The following ZNF536 variants were observed in gnomAD, a reference collection of about 807,000 sequenced individuals.
ZNF536 encodes the protein zinc finger protein 536.
Under a neutral mutation model 84.5 loss-of-function variants are expected in ZNF536, and 13 were observed. That is an observed-to-expected ratio of 0.15 (90% confidence interval 0.10 to 0.24). The LOEUF (loss-of-function observed/expected upper bound fraction) is 0.24, where lower values mean the gene tolerates loss of function less well. ZNF536 is among the 10% of genes least tolerant of loss of function. The pLI, the probability that ZNF536 is intolerant of heterozygous loss-of-function variation, is 1.00. For missense variants in ZNF536, 1,536 were observed against 1,747.5 expected (o/e 0.88, Z 2.16); for synonymous variants, 811 against 742.5 (o/e 1.09, Z -1.50).
At chr19:30,631,113 G>T (rs954074092) in intron 1 of ZNF536, among the ~76,000 whole-genome samples, 1 of 152,152 alleles carries the variant, frequency 6.6e-6, no homozygotes, top group African/African-American at 2.4e-5. Flanking sequence ...GGGCACTCCC[G>T]ACCGGCTCTC....
rs555886755 is a variant in ZNF536, at chr19:30,533,682, A to G, written c.2171-1165A>G. On this transcript the variant is annotated intron_variant, in intron 2 of 4. Transcript: ENST00000355537. ...GAAGGCACAGATCTTATTTATTGTG[A>G]TCTCTGCAGAACCCGCAGATCTCAT... is the stretch of plus-strand genomic sequence containing the variant. Among the ~76,000 whole-genome samples the G allele has an allele frequency of 2.0e-5, 3 of 152,294 alleles. No homozygotes were observed. In the East Asian group the frequency reaches 5.8e-4, roughly 29 times the overall value.
chr19:30,361,682 C>G (rs2048279303), intron 3 of ZNF536, among the ~76,000 whole-genome samples: 1 of 152,092 alleles, frequency 6.6e-6, no homozygotes, highest in East Asian at 1.9e-4. Flanking sequence ...TGGGATGTGC[C>G]ACTCAGAGTA....
In ZNF536 at chr19:30,428,248, G is replaced by A. The variant is rs191973039; in HGVS notation, c.-2-15313G>A. On this transcript the variant is annotated intron_variant, in intron 1 of 4. Coordinates refer to ENST00000355537, the MANE Select transcript of ZNF536 (RefSeq NM_014717.3). ...GCATCAACATGCAGATGGTGACAGG[G>A]GAAGGAGGAGGAGAGGCAGGAGCAG... Among the ~76,000 whole-genome samples the A allele has an allele frequency of 2.1e-4, 32 of 152,326 alleles. No individual in the cohort carries two copies. In the East Asian group the frequency reaches 2.7e-3, roughly 13 times the overall value.
At chr19:30,586,266 A>G (rs2047091048) in intron 1 of ZNF536, among the ~76,000 whole-genome samples, 1 of 152,230 alleles carries the variant, frequency 6.6e-6, no homozygotes, top group African/African-American at 2.4e-5. Flanking sequence ...TTGATGGACA[A>G]CTAGGTTGCT....
intron 1 of ZNF536, among the ~76,000 whole-genome samples, chr19:30,431,992 C>CATATATATATATATATAT (rs561025363): frequency 2.8e-5 from 4 of 144,606 alleles, no homozygotes; most frequent in African/African-American, 1.0e-4. Context: ...TCATTAAAAG[C>CATATATATATATATATAT]ATATATATAT....
chr19:30,388,413 G>A (rs548901813), intron 1 of ZNF536, among the ~76,000 whole-genome samples: 8 of 152,302 alleles, frequency 5.3e-5, no homozygotes, highest in Admixed American at 2.0e-4. Flanking sequence ...GGGCGACCCC[G>A]CTCCTCCAGC....
intron 1 of ZNF536, among the ~76,000 whole-genome samples, chr19:30,651,565 A>G (rs989184901): frequency 6.6e-6 from 1 of 152,212 alleles, no homozygotes; most frequent in Admixed American, 6.5e-5. Context: ...CACAAATGAT[A>G]GTTTGTAATT....
At chr19:30,473,063 G>A (rs919285304) in intron 2 of ZNF536, among the ~76,000 whole-genome samples, 55 of 151,420 alleles carry the variant, frequency 3.6e-4, no homozygotes, top group East Asian at 7.7e-4. Flanking sequence ...AAAATTAGCC[G>A]GGCGTGGTGG....
intron 1 of ZNF536, among the ~76,000 whole-genome samples, chr19:30,625,894 A>C (rs1312805479): frequency 6.6e-6 from 1 of 152,220 alleles, no homozygotes; most frequent in African/African-American, 2.4e-5. Flanking sequence ...GTCTCAGGAC[A>C]TCCTTGATTA....
At position 30,445,353 on chromosome 19, in the gene ZNF536, G is replaced by A. The variant is rs1600759791; in HGVS notation, c.1791G>A (p.Lys597=). 6.2e-7 allele frequency: 1 copy of A among 1,614,186 alleles called. No individual in the cohort carries two copies. The highest frequency in any genetic ancestry group is 8.5e-7 in the Non-Finnish European group (1 of 1,180,044). Residue 597 remains lysine, a synonymous_variant, in exon 2 of 5, where the codon AAG becomes AAA. Transcript: ENST00000355537. This position sits in a 1 kb window ranked among gnomAD's most constrained non-coding sequence, Gnocchi z 4.5. Reference sequence around the variant, plus strand: ...GCAGCCAGAGAGACCTGCCAAGTAAGCTCGACCCTTTAGAAAGCAGTCGGG... The same window carrying A: ...GCAGCCAGAGAGACCTGCCAAGTAAACTCGACCCTTTAGAAAGCAGTCGGG... ...KVGSQRDLPS[K]LDPLESSRDF... is the part of the protein sequence containing the mutation.
intron 2 of ZNF536, among the ~76,000 whole-genome samples, chr19:30,294,338 A>C (rs116005821): frequency 1.7e-3 from 257 of 152,330 alleles, no homozygotes; most frequent in African/African-American, 6.1e-3. Context: ...AAAATAATAA[A>C]GTTTTTCTAA....
rs939648229 is a variant in ZNF536 at position 30,680,324 on chromosome 19, T to C, written c.170-30433T>C. ...TGTGCAGGTTAGTTACATATGTATATATGTGCCATGTTGGTGTGCTGCACC... is the reference window on the plus strand; with the variant it reads ...TGTGCAGGTTAGTTACATATGTATACATGTGCCATGTTGGTGTGCTGCACC... On this transcript the variant is annotated intron_variant, in intron 1 of 1. Coordinates refer to the ZNF536 transcript ENST00000592773. Among the ~76,000 whole-genome samples, 426 of 151,688 alleles carry C rather than the reference T, an allele frequency of 2.8e-3. 3 individuals carry two copies. Among genetic ancestry groups the C allele is most frequent in the African/African-American group, 9.9e-3 (409 of 41,370 alleles).
intron 1 of ZNF536, among the ~76,000 whole-genome samples, chr19:30,638,037 C>A (rs1600111131): frequency 6.6e-6 from 1 of 152,268 alleles, no homozygotes; most frequent in East Asian, 1.9e-4. Flanking sequence ...GTAGTCGATG[C>A]AAGCCCTGAA....
chr19:30,270,568 A>G (rs949625500), intron 1 of ZNF536, among the ~76,000 whole-genome samples: 2 of 152,230 alleles, frequency 1.3e-5, no homozygotes, highest in Non-Finnish European at 2.9e-5. Flanking sequence ...GACACCGTAA[A>G]CAGGTGCACC....
chr19:30,455,606 T>A (rs1436019622), intron 2 of ZNF536, among the ~76,000 whole-genome samples: 1 of 151,976 alleles, frequency 6.6e-6, no homozygotes. Context: ...GAGGGTGAGG[T>A]GAGAAGATCG....
intron 1 of ZNF536, among the ~76,000 whole-genome samples, chr19:30,664,681 G>C (rs1411025841): frequency 6.6e-6 from 1 of 151,758 alleles, no homozygotes; most frequent in East Asian, 1.9e-4. Flanking sequence ...TTTTTAATTG[G>C]ATAGTGGTGA....
intron 2 of ZNF536, among the ~76,000 whole-genome samples, chr19:30,338,625 C>A (rs993191756): frequency 2.0e-5 from 3 of 152,088 alleles, no homozygotes; most frequent in African/African-American, 7.2e-5. Flanking sequence ...GGTTACTTAA[C>A]CTGGGAGAAA....
intron 1 of ZNF536, among the ~76,000 whole-genome samples, chr19:30,375,565 C>CG (rs959484125): frequency 6.6e-5 from 10 of 152,180 alleles, no homozygotes; most frequent in Non-Finnish European, 1.3e-4. Context: ...CGCTGCGGCC[C>CG]GGGGTGTGGG....
At chr19:30,703,615 C>T (rs924067757) in intron 1 of ZNF536, among the ~76,000 whole-genome samples, 6 of 152,198 alleles carry the variant, frequency 3.9e-5, no homozygotes, top group African/African-American at 1.4e-4. Context: ...TTTCATGGTG[C>T]TACCTGCGGC....
Sources: allele counts gnomAD v4.1 joint callset (sites outside exome capture counted in the v4.1 genomes callset), GRCh38; gene constraint gnomAD v4.1.1; non-coding constraint Gnocchi (gnomAD v3.1); transcripts MANE v1.5; gene names NCBI Gene and HGNC (gene_info 2026-07-23, HGNC 2026-07-21).